PPP2R2B: variants seen among roughly 807,000 people sequenced by gnomAD.
PPP2R2B encodes the protein serine/threonine-protein phosphatase 2A 55 kDa regulatory subunit B beta isoform.
In PPP2R2B, 5 loss-of-function variants were observed where a neutral mutation model predicts 46.0. The ratio of observed to expected loss-of-function variants is 0.11; its 90% CI spans 0.06 to 0.23. PPP2R2B has a LOEUF of 0.23. Among genes scored for constraint, PPP2R2B ranks in the 10% least tolerant of loss-of-function variants. The probability of loss-of-function intolerance (pLI) is 1.00; values close to 1 mark genes in which losing one functional copy is unlikely to be tolerated. For synonymous variants in PPP2R2B, 215 were observed against 206.7 expected (o/e 1.04, Z -0.34); for missense variants, 367 against 575.0 (o/e 0.64, Z 3.70).
chr5:147,038,059 A>G (rs1268738085), intron 1 of PPP2R2B, among the ~76,000 whole-genome samples: 1 of 152,090 alleles, frequency 6.6e-6, no homozygotes, highest in Admixed American at 6.6e-5. Context: ...GTGTTATGGG[A>G]TACTTTTAGA....
intron 1 of PPP2R2B, among the ~76,000 whole-genome samples, chr5:146,904,216 GA>G (rs1240840230): frequency 6.6e-5 from 10 of 152,028 alleles, no homozygotes; most frequent in African/African-American, 1.9e-4. Context: ...CTAAGAAGGA[GA>G]AAAAAATTTT....
chr5:146,601,379 T>C (rs536152543), intron 7 of PPP2R2B, among the ~76,000 whole-genome samples: 1 of 152,214 alleles, frequency 6.6e-6, no homozygotes, highest in South Asian at 2.1e-4. Flanking sequence ...GGAAGATCAC[T>C]TAAACCCAAG....
chr5:146,821,960 C>G (rs188402555), intron 2 of PPP2R2B, among the ~76,000 whole-genome samples: 115 of 152,324 alleles, frequency 7.5e-4, no homozygotes, highest in African/African-American at 2.6e-3. Context: ...ACGTAAGTAA[C>G]TGTGTTCAGA....
chr5:146,662,749 T>C (rs1196233067), intron 5 of PPP2R2B, among the ~76,000 whole-genome samples: 1 of 151,986 alleles, frequency 6.6e-6, no homozygotes, highest in Non-Finnish European at 1.5e-5. Flanking sequence ...ATTATTTTTA[T>C]AATCATAAAA....
intron 2 of PPP2R2B, among the ~76,000 whole-genome samples, chr5:146,871,281 C>T (rs319222): frequency 0.22 from 32,759 of 152,006 alleles, 4,670 homozygotes; most frequent in African/African-American, 0.39. Context: ...CAGCTGCCTC[C>T]GTCATATTTC....
chr5:146,722,392 C>T (rs1012774186), intron 2 of PPP2R2B, among the ~76,000 whole-genome samples: 4 of 152,124 alleles, frequency 2.6e-5, no homozygotes, highest in Admixed American at 2.6e-4. Context: ...CTACAAAGGC[C>T]ACTTTCTGCT....
At chr5:146,854,460 A>G (rs1760531395) in intron 2 of PPP2R2B, among the ~76,000 whole-genome samples, 1 of 152,144 alleles carries the variant, frequency 6.6e-6, no homozygotes, top group Admixed American at 6.6e-5. Context: ...TCTTTGAAAT[A>G]TGCAATACAT....
chr5:147,021,633 A>G (rs1755271395), intron 1 of PPP2R2B, among the ~76,000 whole-genome samples: 1 of 152,206 alleles, frequency 6.6e-6, no homozygotes. Context: ...CCACAGGGTG[A>G]TAGCTAATCT....
intron 2 of PPP2R2B, among the ~76,000 whole-genome samples, chr5:146,817,225 A>G (rs905697178): frequency 2.0e-5 from 3 of 152,106 alleles, no homozygotes; most frequent in Middle Eastern, 3.2e-3. Context: ...CTCAATCAGA[A>G]TGACATTTAA....
In PPP2R2B at chr5:146,750,596, A is replaced by G. The variant is rs897157713; in HGVS notation, c.71-49454T>C. ...CAATAACTCAATCAGATGTTAAATG[A>G]CCAGGAACACTTGAGCTCAGCATTA... On this transcript the variant is annotated intron_variant, in intron 2 of 9. Transcript: ENST00000394411. 3.9e-5 allele frequency among the ~76,000 whole-genome samples: 6 copies of G among 152,300 alleles called. No individual in the cohort carries two copies. In the South Asian group the frequency reaches 1.0e-3, roughly 26 times the overall value.
At chr5:146,810,485 A>G (rs1001464442) in intron 2 of PPP2R2B, among the ~76,000 whole-genome samples, 4 of 152,162 alleles carry the variant, frequency 2.6e-5, no homozygotes, top group Non-Finnish European at 5.9e-5. Context: ...GGGAGCTACA[A>G]TTCAAGATGA....
At chr5:146,701,210 A>C in intron 2 of PPP2R2B, 68 bp from the exon 3 acceptor site, 1 of 1,303,644 alleles carries the variant, frequency 7.7e-7, no homozygotes, top group Non-Finnish European at 1.1e-6. Context: ...GATAATAGAT[A>C]TACTTTTCTG....
rs558468590 is a variant in PPP2R2B, at chr5:146,582,042, C to A, written c.*7905G>T. 4 of 152,400 alleles carry A rather than the reference C, an allele frequency of 2.6e-5. No individual in the cohort carries two copies. Among genetic ancestry groups the A allele is most frequent in the African/African-American group, 9.6e-5 (4 of 41,574 alleles). 9.4% of individuals were successfully genotyped at this position (152,400 alleles called of 1,614,324 possible). A position where few individuals can be genotyped will look rare whatever the true frequency, so the allele number is the denominator to read the frequency against. ...CCCCCTCCAATTTATTGTTGTATTT[C>A]CCAGCTGCCCACAGAGCTTCCCCTG... On this transcript the variant is annotated 3_prime_UTR_variant, in exon 10 of 10. Coordinates refer to ENST00000394411, the MANE Select transcript of PPP2R2B (RefSeq NM_181675.4).
intron 2 of PPP2R2B, among the ~76,000 whole-genome samples, chr5:146,858,354 C>A (rs1760795560): frequency 6.6e-6 from 1 of 152,122 alleles, no homozygotes; most frequent in Non-Finnish European, 1.5e-5. Flanking sequence ...TAAAAACAAC[C>A]AACTACTCAC....
chr5:146,663,344 A>T (rs1776783348), intron 5 of PPP2R2B, among the ~76,000 whole-genome samples: 1 of 152,206 alleles, frequency 6.6e-6, no homozygotes, highest in Admixed American at 6.6e-5. Context: ...AACAACAAGC[A>T]TTTACTCATG....
chr5:146,905,100 G>A (rs1762954166), intron 1 of PPP2R2B, among the ~76,000 whole-genome samples: 1 of 152,148 alleles, frequency 6.6e-6, no homozygotes, highest in South Asian at 2.1e-4. Context: ...AAACCGCAAT[G>A]AAATACCATT....
At chr5:146,666,282 G>C (rs1402625232) in intron 5 of PPP2R2B, among the ~76,000 whole-genome samples, 1 of 152,138 alleles carries the variant, frequency 6.6e-6, no homozygotes, top group Non-Finnish European at 1.5e-5. Context: ...TGTATTCATA[G>C]ATACAGAGAA....
intron 2 of PPP2R2B, among the ~76,000 whole-genome samples, chr5:146,875,506 G>A (rs935622319): frequency 6.6e-6 from 1 of 152,158 alleles, no homozygotes; most frequent in South Asian, 2.1e-4. Context: ...TGCAAATTGA[G>A]TTTAGAGTCC....
intron 2 of PPP2R2B, among the ~76,000 whole-genome samples, chr5:146,776,116 G>T (rs1755166284): frequency 6.6e-6 from 1 of 152,042 alleles, no homozygotes; most frequent in African/African-American, 2.4e-5. Context: ...AATCCTAATG[G>T]TGTTTCTTGA....
Sources: allele counts gnomAD v4.1 joint callset (sites outside exome capture counted in the v4.1 genomes callset), GRCh38; gene constraint gnomAD v4.1.1; transcripts MANE v1.5; gene names NCBI Gene and HGNC (gene_info 2026-07-23, HGNC 2026-07-21).